Variants in ATRX observed in about 807,000 individuals in gnomAD.
ATRX encodes ATRX chromatin remodeler, also known as chromatin remodeler ATRX.
In ATRX, 12 loss-of-function variants were observed where a neutral mutation model predicts 172.6. That is an observed-to-expected ratio of 0.07 (90% CI 0.04 to 0.11). The LOEUF (loss-of-function observed/expected upper bound fraction) is 0.11, where lower values mean the gene tolerates loss of function less well. Ranked by LOEUF, ATRX falls within the 10% of genes least tolerant of loss-of-function variation. The probability of loss-of-function intolerance (pLI) is 1.00; values close to 1 mark genes in which losing one functional copy is unlikely to be tolerated. For synonymous variants in ATRX, 674 were observed against 594.7 expected (o/e 1.13, Z -1.94); for missense variants, 1,368 against 1,767.4 (o/e 0.77, Z 4.05).
intron 1 of ATRX, among the ~76,000 whole-genome samples, chrX:77,785,191 T>G (rs2076690333): frequency 1.8e-5 from 2 of 111,060 alleles, no homozygotes; most frequent in Admixed American, 1.9e-4. Context: ...TAACCTGCCC[T>G]TCATCCTTCA....
intron 28 of ATRX, among the ~76,000 whole-genome samples, chrX:77,559,408 G>T (rs1602539672): frequency 1.1e-5 from 1 of 91,349 alleles, no homozygotes. Context: ...TACCTGATTT[G>T]TTGGAACACA....
chrX:77,621,298 A>AT (rs782433733), intron 19 of ATRX, among the ~76,000 whole-genome samples: 2 of 110,662 alleles, frequency 1.8e-5, no homozygotes, highest in East Asian at 2.8e-4. Context: ...TAACATACAT[A>AT]TTTTTTTTCT....
chrX:77,694,992 T>C (rs1192668342), intron 5 of ATRX, among the ~76,000 whole-genome samples: 3 of 107,276 alleles, frequency 2.8e-5, no homozygotes, highest in Non-Finnish European at 3.9e-5. Flanking sequence ...ACAGCAATCA[T>C]TGCATGTAGA....
At chrX:77,509,638 T>C (rs1234902281) in intron 34 of ATRX, among the ~76,000 whole-genome samples, 1 of 109,818 alleles carries the variant, frequency 9.1e-6, no homozygotes, top group Non-Finnish European at 1.9e-5. Context: ...AAGAGTACAG[T>C]GATTATGGGA....
At chrX:77,561,492 T>C (rs2065018494) in intron 28 of ATRX, among the ~76,000 whole-genome samples, 1 of 111,279 alleles carries the variant, frequency 9.0e-6, no homozygotes, top group Admixed American at 9.6e-5. Flanking sequence ...ATTTGCATAA[T>C]GCTCCTATAA....
At chrX:77,568,655 C>T (rs889020979) in intron 28 of ATRX, among the ~76,000 whole-genome samples, 17 of 111,601 alleles carry the variant, frequency 1.5e-4, no homozygotes, top group Non-Finnish European at 2.4e-4. Flanking sequence ...CAGACAATGA[C>T]AACACGAAAA....
intron 1 of ATRX, among the ~76,000 whole-genome samples, chrX:77,734,258 T>TACAA (rs2074437581): frequency 2.4e-5 from 2 of 84,259 alleles, no homozygotes; most frequent in Non-Finnish European, 5.0e-5. Context: ...CATACATACA[T>TACAA]ACAAAAATTA....
intron 2 of ATRX, among the ~76,000 whole-genome samples, chrX:77,710,735 G>T (rs1410179872): frequency 9.0e-6 from 1 of 111,216 alleles, no homozygotes; most frequent in Non-Finnish European, 1.9e-5. Flanking sequence ...TAACATATTT[G>T]AAATGACAAA....
At chrX:77,751,677 T>G (rs782437006) in intron 1 of ATRX, among the ~76,000 whole-genome samples, 13 of 112,351 alleles carry the variant, frequency 1.2e-4, no homozygotes, top group African/African-American at 3.9e-4. Context: ...TAATCGATCT[T>G]GAGTTAATTT....
intron 1 of ATRX, among the ~76,000 whole-genome samples, chrX:77,750,716 T>C (rs1390029786): frequency 9.2e-6 from 1 of 109,244 alleles, no homozygotes; most frequent in East Asian, 2.9e-4. Flanking sequence ...TGTGTAACGT[T>C]CCCCTCCCTG....
chrX:77,656,235 G>C (rs2069544927), intron 13 of ATRX, among the ~76,000 whole-genome samples: 1 of 111,433 alleles, frequency 9.0e-6, no homozygotes, highest in African/African-American at 3.3e-5. Context: ...CAAACAGAAA[G>C]TAGAAAAGCC....
chrX:77,509,920 G>A (rs1242814482), intron 34 of ATRX, among the ~76,000 whole-genome samples: 1 of 77,588 alleles, frequency 1.3e-5, no homozygotes, highest in Non-Finnish European at 2.5e-5. Context: ...GCGGGGGGGG[G>A]GGGCACATGA....
intron 2 of ATRX, among the ~76,000 whole-genome samples, chrX:77,704,942 C>T (rs1268895387): frequency 6.3e-5 from 7 of 111,853 alleles, no homozygotes; most frequent in Non-Finnish European, 1.1e-4. Context: ...AGGGCTCCTG[C>T]CTGCCCCATA....
chrX:77,674,778 A>T (rs1557132590), intron 10 of ATRX: 1 of 111,792 alleles, frequency 8.9e-6, no homozygotes. Flanking sequence ...CATCTTAAAA[A>T]AGAGTAAAAT....
chrX:77,563,165 G>A (rs931487115), intron 28 of ATRX, among the ~76,000 whole-genome samples: 1 of 112,104 alleles, frequency 8.9e-6, no homozygotes, highest in Non-Finnish European at 1.9e-5. Flanking sequence ...TAAGAACTCT[G>A]ACTAACCCTA....
At chrX:77,664,504 G>T in intron 11 of ATRX, 141 bp downstream of exon 11, 1 of 805,956 alleles carries the variant, frequency 1.2e-6, no homozygotes, top group Non-Finnish European at 1.8e-6. Flanking sequence ...ACCTGCTTCG[G>T]CCTCCCAAAG....
chrX:77,629,126 C>T (rs1323508664), intron 19 of ATRX, among the ~76,000 whole-genome samples: 5 of 112,359 alleles, frequency 4.5e-5, no homozygotes, highest in Non-Finnish European at 9.4e-5. Context: ...GAATCTCATA[C>T]CCAAAACTGT....
chrX:77,677,228 G>A (rs2070926582), intron 9 of ATRX, among the ~76,000 whole-genome samples: 1 of 111,659 alleles, frequency 9.0e-6, no homozygotes, highest in Admixed American at 9.5e-5. Flanking sequence ...GCATGCTTAA[G>A]TGTTTCAGGA....
At chrX:77,643,919 G>A (rs2068780389) in intron 15 of ATRX, among the ~76,000 whole-genome samples, 1 of 109,815 alleles carries the variant, frequency 9.1e-6, no homozygotes, top group African/African-American at 3.3e-5. Context: ...CAAACAGAGA[G>A]AGCAGGCATT....
Sources: gnomAD v4.1 joint callset for allele counts (sites outside exome capture counted in the v4.1 genomes callset) on GRCh38, gnomAD v4.1.1 for gene constraint, MANE v1.5 for transcripts, NCBI Gene and HGNC (gene_info 2026-07-23, HGNC 2026-07-21) for gene names.